ELAPOR2: variants seen among roughly 807,000 people sequenced by gnomAD.
ELAPOR2 encodes endosome-lysosome associated apoptosis and autophagy regulator family member 2, also known as endosome/lysosome-associated apoptosis and autophagy regulator family member 2.
Under a neutral mutation model 120.7 loss-of-function variants are expected in ELAPOR2, and 89 were observed. That is an observed-to-expected ratio of 0.74 (90% CI 0.62 to 0.88). ELAPOR2 has a LOEUF of 0.88. Ranked by LOEUF, ELAPOR2 falls within the 40% of genes least tolerant of loss-of-function variation. The probability of loss-of-function intolerance (pLI) is 0.00; values close to 1 mark genes in which losing one functional copy is unlikely to be tolerated. For missense variants in ELAPOR2, 1,134 were observed against 1,251.6 expected (o/e 0.91, Z 1.42); for synonymous variants, 444 against 444.9 (o/e 1.00, Z 0.03).
chr7:86,955,367 T>G (rs1032529426), intron 2 of ELAPOR2, among the ~76,000 whole-genome samples: 3 of 152,076 alleles, frequency 2.0e-5, no homozygotes, highest in African/African-American at 7.2e-5. Context: ...TGAAGGGAAT[T>G]CTTGTTCTCT....
chr7:86,880,650 A>G, intron 21 of ELAPOR2, 120 bp from the exon 22 acceptor site: 1 of 667,204 alleles, frequency 1.5e-6, no homozygotes, highest in South Asian at 1.8e-5. Context: ...GCCACTTGTG[A>G]TTAGGATTTT....
At chr7:87,048,240 C>G (rs992549745) in intron 1 of ELAPOR2, among the ~76,000 whole-genome samples, 1 of 144,570 alleles carries the variant, frequency 6.9e-6, no homozygotes, top group Non-Finnish European at 1.5e-5. Flanking sequence ...GAGACTTCAT[C>G]TAGAAAAAAA....
intron 2 of ELAPOR2, 47 bp downstream of exon 2, chr7:86,964,857 G>C: frequency 6.5e-7 from 1 of 1,544,586 alleles, no homozygotes; most frequent in Non-Finnish European, 8.8e-7. Context: ...ATATGAAGAG[G>C]TAATTGTTTA....
Position 87,025,244 on chromosome 7 carries a change from C to A in ELAPOR2, c.189+34081G>T, listed in dbSNP as rs554258444. On this transcript the variant is annotated intron_variant, in intron 1 of 21. Transcript: ENST00000450689. ...AGCCCTCTTGTTGACTATTTTCAGACAATGCTTATTTTCTAAAAACCATCA... is the reference window on the plus strand; with the variant it reads ...AGCCCTCTTGTTGACTATTTTCAGAAAATGCTTATTTTCTAAAAACCATCA... Among the ~76,000 whole-genome samples, 5 of 152,202 alleles carry A rather than the reference C, an allele frequency of 3.3e-5. No homozygotes were observed. In the East Asian group the frequency reaches 9.6e-4, roughly 29 times the overall value.
intron 19 of ELAPOR2, 68 bp from the exon 20 acceptor site, chr7:86,893,168 T>C (rs553786426): frequency 1.7e-5 from 21 of 1,271,188 alleles, no homozygotes; most frequent in Middle Eastern, 2.0e-4. Context: ...CTGTGAAAGC[T>C]AGATTTGTCA....
intron 1 of ELAPOR2, among the ~76,000 whole-genome samples, chr7:86,979,327 C>T (rs1370335461): frequency 6.6e-6 from 1 of 152,106 alleles, no homozygotes; most frequent in African/African-American, 2.4e-5. Flanking sequence ...TACTATCTGC[C>T]AAACACTTCT....
intron 8 of ELAPOR2, among the ~76,000 whole-genome samples, chr7:86,927,153 G>A (rs373519007): frequency 2.9e-4 from 44 of 151,948 alleles, no homozygotes; most frequent in African/African-American, 1.0e-3. Context: ...TACACAGCAT[G>A]TTCCTCATCA....
intron 1 of ELAPOR2, among the ~76,000 whole-genome samples, chr7:87,051,812 T>C (rs953895671): frequency 1.3e-5 from 2 of 152,230 alleles, no homozygotes; most frequent in African/African-American, 4.8e-5. Context: ...AATATTACCA[T>C]GTTTTTCTAT....
At chr7:86,962,834 A>C (rs1050813938) in intron 2 of ELAPOR2, among the ~76,000 whole-genome samples, 1 of 152,220 alleles carries the variant, frequency 6.6e-6, no homozygotes, top group Non-Finnish European at 1.5e-5. Context: ...AAGCTCCTGA[A>C]GGAATATCCA....
chr7:86,892,978 A>G lies in ELAPOR2; in HGVS notation c.2808T>C (p.Ala936=). The G allele has an allele frequency of 6.4e-7, 1 of 1,572,720 alleles. No individual in the cohort carries two copies. Among genetic ancestry groups the G allele is most frequent in the Admixed American group, 2.1e-5 (1 of 48,332 alleles). The change falls in exon 20 of 22, where the codon GCT becomes GCC. Residue 936 remains alanine (A), a synonymous_variant. Coordinates refer to ENST00000450689, the MANE Select transcript of ELAPOR2 (RefSeq NM_001142749.3). ...GAGCCACCAGCAAAACGGCAGTAAAAGCTCCCACACCGGCTCCCACCTTCA... is the reference window on the plus strand; with the variant it reads ...GAGCCACCAGCAAAACGGCAGTAAAGGCTCCCACACCGGCTCCCACCTTCA... ...FWLKVGAGVG[A]FTAVLLVALT...
intron 1 of ELAPOR2, among the ~76,000 whole-genome samples, chr7:87,011,720 T>C (rs1793686556): frequency 6.6e-6 from 1 of 152,202 alleles, no homozygotes; most frequent in Admixed American, 6.5e-5. Flanking sequence ...GAGTTGATCA[T>C]TGAATAAGCT....
In ELAPOR2 at chr7:87,030,601, C is replaced by A. The variant is rs528146167; in HGVS notation, c.189+28724G>T. 2.0e-5 allele frequency among the ~76,000 whole-genome samples: 3 copies of A among 152,260 alleles called. No individual in the cohort carries two copies. In the South Asian group the frequency reaches 6.2e-4, roughly 32 times the overall value. ...TTCTCCATACATTATGAACTATAAC[C>A]TAACTTGTGTAAACAGACTGTAATT... On this transcript the variant is annotated intron_variant, in intron 1 of 21. Coordinates refer to ENST00000450689, the MANE Select transcript of ELAPOR2 (RefSeq NM_001142749.3).
intron 1 of ELAPOR2, among the ~76,000 whole-genome samples, chr7:86,996,601 C>A (rs550194675): frequency 6.6e-6 from 1 of 152,136 alleles, no homozygotes; most frequent in African/African-American, 2.4e-5. Context: ...GAGTTTGAAG[C>A]AGGGAGATAA....
rs151114059 is a variant in ELAPOR2, at chr7:86,980,112, T to C, written c.190-15088A>G. Among the ~76,000 whole-genome samples, 17 of 152,308 alleles carry C rather than the reference T, an allele frequency of 1.1e-4. No homozygotes were observed. The East Asian group carries it at 2.9e-3, about 26-fold the overall frequency. ...AAATTAAGTGGATACACTTATACTA[T>C]TGTCGGTTGGAAAAAATTATTGTAC... On this transcript the variant is annotated intron_variant, in intron 1 of 21. Coordinates refer to ENST00000450689, the MANE Select transcript of ELAPOR2 (RefSeq NM_001142749.3).
Position 86,925,795 on chromosome 7 carries a change from A to G in ELAPOR2, c.1271-139T>C, listed in dbSNP as rs549018002. 5.9e-5 allele frequency: 44 copies of G among 739,854 alleles called. No individual in the cohort carries two copies. In the African/African-American group the frequency reaches 6.3e-4, roughly 11 times the overall value. The allele number at this position is 739,854 out of a possible 1,614,324, so 45.8% of individuals were successfully genotyped here. A position where few individuals can be genotyped will look rare whatever the true frequency, so the allele number is the denominator to read the frequency against. On this transcript the variant is annotated intron_variant, in intron 9 of 21. Coordinates refer to ENST00000450689, the MANE Select transcript of ELAPOR2 (RefSeq NM_001142749.3). ...AAGATATTGGACTACCAGTTCCCTC[A>G]GGATGTACTAACTTTTTCAAAAGAA...
At chr7:87,020,666 G>T (rs1794009501) in intron 1 of ELAPOR2, among the ~76,000 whole-genome samples, 1 of 152,086 alleles carries the variant, frequency 6.6e-6, no homozygotes, top group Admixed American at 6.6e-5. Context: ...GAATTATGGA[G>T]ATGTTTTGGA....
chr7:86,942,109 G>T lies in ELAPOR2; in HGVS notation c.655-5C>A. The T allele has an allele frequency of 6.6e-7, 1 of 1,521,908 alleles. No homozygotes were observed. The highest frequency in any genetic ancestry group is 8.9e-7 in the Non-Finnish European group (1 of 1,120,528). 94.3% of individuals were successfully genotyped at this position (1,521,908 alleles called of 1,614,324 possible). A position where few individuals can be genotyped will look rare whatever the true frequency, so the allele number is the denominator to read the frequency against. ...CTGGCACTGATCATTTTGAATCTGTGGATTAAACACAAGAGCCCTAGTAAA... is the reference window on the plus strand; with the variant it reads ...CTGGCACTGATCATTTTGAATCTGTTGATTAAACACAAGAGCCCTAGTAAA... On this transcript the variant is annotated splice_region_variant and splice_polypyrimidine_tract_variant and intron_variant, in intron 4 of 21. Transcript: ENST00000450689.
chr7:86,962,431 C>G (rs1358110740), intron 2 of ELAPOR2, among the ~76,000 whole-genome samples: 5 of 152,142 alleles, frequency 3.3e-5, no homozygotes, highest in Non-Finnish European at 7.3e-5. Flanking sequence ...CTTGAAGTTG[C>G]CATGTTCTAC....
At chr7:87,033,629 G>T (rs1266967598) in intron 1 of ELAPOR2, among the ~76,000 whole-genome samples, 1 of 151,792 alleles carries the variant, frequency 6.6e-6, no homozygotes, top group East Asian at 1.9e-4. Context: ...ATAAATGGGC[G>T]AACTTAAGAG....
Sources: allele counts gnomAD v4.1 joint callset (sites outside exome capture counted in the v4.1 genomes callset), GRCh38; gene constraint gnomAD v4.1.1; transcripts MANE v1.5; gene names NCBI Gene and HGNC (gene_info 2026-07-23, HGNC 2026-07-21).